The following BMAL1 variants were observed in gnomAD, a reference collection of about 807,000 sequenced individuals.
The protein encoded by BMAL1 is basic helix-loop-helix ARNT like 1, also known as basic helix-loop-helix ARNT-like protein 1.
At chr11:13,375,833 T>C in the BMAL1 span, 9 of 1,434,668 alleles carry the variant, frequency 6.3e-6, no homozygotes, top group Non-Finnish European at 8.3e-6. Context: ...ATCTGGGAAA[T>C]GGGGTGCAGG....
chr11:13,340,565 A>G, the BMAL1 span, among the ~76,000 whole-genome samples: 4 of 152,120 alleles, frequency 2.6e-5, no homozygotes, highest in African/African-American at 7.2e-5. Context: ...GCTTCCTGCT[A>G]TGAAATGCTG....
chr11:13,309,944 T>A, the BMAL1 span: 1 of 152,660 alleles, frequency 6.6e-6, no homozygotes, highest in Admixed American at 6.5e-5. Flanking sequence ...ACTTATTGGG[T>A]GCTATGAATT....
the BMAL1 span, among the ~76,000 whole-genome samples, chr11:13,369,997 T>C: frequency 2.0e-5 from 3 of 152,156 alleles, no homozygotes; most frequent in African/African-American, 7.2e-5. Flanking sequence ...CTGTTTAAAT[T>C]GTGTTTCTTT....
chr11:13,347,869 G>A, the BMAL1 span, among the ~76,000 whole-genome samples: 4 of 152,156 alleles, frequency 2.6e-5, no homozygotes, highest in African/African-American at 4.8e-5. Context: ...AAATAAGTAA[G>A]TAAATTTCAG....
chr11:13,313,331 C>T, the BMAL1 span, among the ~76,000 whole-genome samples: 1 of 152,130 alleles, frequency 6.6e-6, no homozygotes, highest in African/African-American at 2.4e-5. Flanking sequence ...TAACGTCCTC[C>T]CTGGGTGAGC....
At chr11:13,294,063 T>C in the BMAL1 span, among the ~76,000 whole-genome samples, 1 of 151,634 alleles carries the variant, frequency 6.6e-6, no homozygotes, top group East Asian at 1.9e-4. Flanking sequence ...GCAATAGTGA[T>C]TTTTTTTTCC....
At chr11:13,341,804 A>T in the BMAL1 span, among the ~76,000 whole-genome samples, 22 of 152,232 alleles carry the variant, frequency 1.4e-4, no homozygotes, top group Non-Finnish European at 2.4e-4. Flanking sequence ...AGCCAGGCTG[A>T]TGCACCTTCA....
the BMAL1 span, among the ~76,000 whole-genome samples, chr11:13,314,194 T>G: frequency 2.0e-5 from 3 of 150,318 alleles, no homozygotes; most frequent in Non-Finnish European, 4.4e-5. Flanking sequence ...ACTTACCTGT[T>G]ATGCTCAGCA....
chr11:13,349,180 T>G, the BMAL1 span, among the ~76,000 whole-genome samples: 3 of 152,278 alleles, frequency 2.0e-5, no homozygotes, highest in African/African-American at 7.2e-5. Context: ...TAACTTCGTG[T>G]GTGCCCAGGT....
At chr11:13,338,201 ATTC>A in the BMAL1 span, among the ~76,000 whole-genome samples, 1 of 152,028 alleles carries the variant, frequency 6.6e-6, no homozygotes, top group South Asian at 2.1e-4. Flanking sequence ...TTTTTTTTAA[ATTC>A]TTCTTGCCAG....
the BMAL1 span, chr11:13,381,281 C>G: frequency 1.9e-6 from 3 of 1,606,646 alleles, no homozygotes; most frequent in Non-Finnish European, 2.6e-6. Flanking sequence ...TTAGCCTAAG[C>G]TAGAGAACCT....
the BMAL1 span, among the ~76,000 whole-genome samples, chr11:13,369,027 AG>A: frequency 2.0e-5 from 3 of 152,364 alleles, no homozygotes; most frequent in South Asian, 6.2e-4. Context: ...TCAAGTGCTC[AG>A]TACCTGCATG....
chr11:13,344,130 G>A, the BMAL1 span, among the ~76,000 whole-genome samples: 3 of 152,044 alleles, frequency 2.0e-5, no homozygotes, highest in Non-Finnish European at 4.4e-5. Context: ...CAGGCCACCC[G>A]GCAAACCCCT....
the BMAL1 span, chr11:13,385,727 C>T: frequency 1.9e-6 from 3 of 1,613,754 alleles, no homozygotes; most frequent in Non-Finnish European, 2.5e-6. Flanking sequence ...CTTCCAGTGG[C>T]CTACTATCAG....
At chr11:13,359,107 C>T in the BMAL1 span, among the ~76,000 whole-genome samples, 1 of 152,292 alleles carries the variant, frequency 6.6e-6, no homozygotes, top group African/African-American at 2.4e-5. Flanking sequence ...TTTTCCCGAA[C>T]CAGATCCACT....
At chr11:13,336,293 C>T in the BMAL1 span, among the ~76,000 whole-genome samples, 2 of 152,132 alleles carry the variant, frequency 1.3e-5, no homozygotes, top group Non-Finnish European at 2.9e-5. Flanking sequence ...ACTCCTCCCA[C>T]CTGTGCATAT....
chr11:13,348,028 C>G, the BMAL1 span, among the ~76,000 whole-genome samples: 1 of 152,052 alleles, frequency 6.6e-6, no homozygotes, highest in African/African-American at 2.4e-5. Context: ...GGAGGAGACA[C>G]GCCTACAAGC....
the BMAL1 span, among the ~76,000 whole-genome samples, chr11:13,329,947 A>T: frequency 6.6e-6 from 1 of 152,206 alleles, no homozygotes. Context: ...GTGCAATTAA[A>T]GATGCTGTTG....
At chr11:13,350,891 A>T in the BMAL1 span, among the ~76,000 whole-genome samples, 3 of 152,248 alleles carry the variant, frequency 2.0e-5, no homozygotes, top group African/African-American at 7.2e-5. Context: ...TACAACATCA[A>T]TGATGAACAA....
Sources: gnomAD v4.1 joint callset for allele counts (sites outside exome capture counted in the v4.1 genomes callset) on GRCh38, gnomAD v4.1.1 for gene constraint, MANE v1.5 for transcripts, NCBI Gene and HGNC (gene_info 2026-07-23, HGNC 2026-07-21) for gene names.